Variants in LGI2 observed in about 807,000 individuals in gnomAD.
LGI2 encodes the protein leucine rich repeat LGI family member 2.
Under a neutral mutation model 52.0 loss-of-function variants are expected in LGI2, and 30 were observed. The ratio of observed to expected loss-of-function variants is 0.58; its 90% CI spans 0.43 to 0.78. The LOEUF (loss-of-function observed/expected upper bound fraction) is 0.78. LGI2 is among the 30% of genes least tolerant of loss of function. LGI2 has a pLI of 0.00. For missense variants in LGI2, 573 were observed against 692.5 expected (o/e 0.83, Z 1.94); for synonymous variants, 270 against 271.8 (o/e 0.99, Z 0.06).
rs781009990 is a variant in LGI2 at position 25,018,070 on chromosome 4, C to T, written c.574G>A (p.Val192Met). 2 of 1,613,730 alleles carry T rather than the reference C, an allele frequency of 1.2e-6. No homozygotes were observed. The highest frequency in any genetic ancestry group is 2.2e-5 in the East Asian group (1 of 44,880). Residue 192 changes from valine to methionine, a missense_variant, in exon 6 of 8, where the codon GTG (valine) becomes ATG (methionine). Coordinates refer to ENST00000382114, the MANE Select transcript of LGI2 (RefSeq NM_018176.4). ...TACTCTGGTGGACCAATACACAGCA[C>T]ATCAGAAACGGTGGAATTTGTCATC... Reference protein sequence around the residue: ...LKMTNSTVSDVLCIGPPEYQE... With the variant: ...LKMTNSTVSDMLCIGPPEYQE...
rs1284619425 is a variant in LGI2 at position 25,030,826 on chromosome 4, G to C, written c.-133C>G. The C allele has an allele frequency of 1.5e-5, 5 of 338,812 alleles. No homozygotes were observed. The Admixed American group carries it at 3.1e-4, about 21-fold the overall frequency. The allele number at this position is 338,812 out of a possible 1,614,324, so 21.0% of individuals were successfully genotyped here. On this transcript the variant is annotated 5_prime_UTR_variant, in exon 1 of 8. Coordinates refer to ENST00000382114, the MANE Select transcript of LGI2 (RefSeq NM_018176.4). ...CTGCTGGCGAGGACTAGGGAGCCGC[G>C]GGTGTGGGAGGCCGAGCCGCAGCCG...
chr4:25,021,489 G>A (rs540413069), intron 4 of LGI2, among the ~76,000 whole-genome samples: 31 of 152,178 alleles, frequency 2.0e-4, no homozygotes, highest in Admixed American at 3.3e-4. Context: ...AGGAACTTCC[G>A]TAAGCACGGG....
chr4:25,029,531 G>T (rs1208182495), intron 1 of LGI2, among the ~76,000 whole-genome samples: 6 of 152,208 alleles, frequency 3.9e-5, no homozygotes, highest in Admixed American at 3.9e-4. Flanking sequence ...AGGCATCTTG[G>T]CCTGGAACAA....
chr4:25,003,299 ATG>A lies in LGI2; in HGVS notation c.*150_*151del. The A allele has an allele frequency of 1.7e-6, 1 of 582,036 alleles. No homozygotes were observed. The highest frequency in any genetic ancestry group is 3.0e-5 in the East Asian group (1 of 33,430). 36.1% of individuals were successfully genotyped at this position (582,036 alleles called of 1,614,324 possible). On this transcript the variant is annotated 3_prime_UTR_variant, in exon 8 of 8. Transcript: ENST00000382114. ...CCAATAAATGCAATCCCTGATTAAA[ATG>A]TGAGTTCTAAAAGTTTGAAAACATC...
In LGI2 at chr4:25,018,791, C is replaced by T. The variant is rs183547269; in HGVS notation, c.485+376G>A. 2.2e-3 allele frequency among the ~76,000 whole-genome samples: 330 copies of T among 151,436 alleles called. 1 individual carries two copies. Among genetic ancestry groups the T allele is most frequent in the African/African-American group, 7.0e-3 (290 of 41,224 alleles). On this transcript the variant is annotated intron_variant, in intron 5 of 7. Coordinates refer to ENST00000382114, the MANE Select transcript of LGI2 (RefSeq NM_018176.4). The stretch of plus-strand genomic sequence containing the variant: ...GCAGGAGAATCACTTGAACCCAGGA[C>T]GCAGAGGTTGTAATGAGTGGAGATC...
At chr4:25,014,754 C>G (rs1015291347) in intron 6 of LGI2, among the ~76,000 whole-genome samples, 11 of 147,714 alleles carry the variant, frequency 7.4e-5, no homozygotes, top group Non-Finnish European at 4.5e-5. Context: ...TCGATTGAGC[C>G]CAGGAGTCTG....
Position 25,004,671 on chromosome 4 carries a change from A to G in LGI2, c.821-403T>C, listed in dbSNP as rs2232021. ...CCAACTCCCTCTGCCCTTTCACCAC[A>G]TAGACACAGCAAAGAGGTGGCCAGC... is the stretch of plus-strand genomic sequence containing the variant. On this transcript the variant is annotated intron_variant, in intron 7 of 7. Transcript: ENST00000382114. The surrounding 1 kb of genome is among the most constrained non-coding windows in gnomAD (Gnocchi z 4.6). Among the ~76,000 whole-genome samples, 5,049 of 152,286 alleles carry G rather than the reference A, an allele frequency of 0.033. 279 individuals are homozygous for G. Among genetic ancestry groups the G allele is most frequent in the African/African-American group, 0.11 (4,768 of 41,536 alleles).
Position 25,001,659 on chromosome 4 carries a change from C to T in LGI2, c.*1792G>A, listed in dbSNP as rs1725241794. On this transcript the variant is annotated 3_prime_UTR_variant, in exon 8 of 8. Transcript: ENST00000382114. ...ATTTTGCAGAAGTTTCAAGTAACAACACTACTATGCGTGGGTGAGTTCGTT... is the reference window on the plus strand; with the variant it reads ...ATTTTGCAGAAGTTTCAAGTAACAATACTACTATGCGTGGGTGAGTTCGTT... 1 of 152,166 alleles carries T rather than the reference C, an allele frequency of 6.6e-6. No homozygotes were observed. The highest frequency in any genetic ancestry group is 6.5e-5 in the Admixed American group (1 of 15,280). The allele number at this position is 152,166 out of a possible 1,614,324, so 9.4% of individuals were successfully genotyped here.
At chr4:25,021,930 C>CA (rs35526176) in intron 4 of LGI2, among the ~76,000 whole-genome samples, 27,070 of 76,048 alleles carry the variant, frequency 0.36, 4,084 homozygotes, top group African/African-American at 0.43. Flanking sequence ...GATTCCATCT[C>CA]AAAAAAAAAA....
At position 25,004,910 on chromosome 4, in the gene LGI2, T is replaced by C. The variant is rs1333542173; in HGVS notation, c.821-642A>G. Among the ~76,000 whole-genome samples, 1 of 152,034 alleles carries C rather than the reference T, an allele frequency of 6.6e-6. No homozygotes were observed. Among genetic ancestry groups the C allele is most frequent in the Non-Finnish European group, 1.5e-5 (1 of 68,002 alleles). The stretch of plus-strand genomic sequence containing the variant: ...AACCCAAGTTGCTTCAATGGACAAA[T>C]AGATAGACAAAATGTGGCATATACA... On this transcript the variant is annotated intron_variant, in intron 7 of 7. Coordinates refer to ENST00000382114, the MANE Select transcript of LGI2 (RefSeq NM_018176.4). The surrounding 1 kb of genome is among the most constrained non-coding windows in gnomAD (Gnocchi z 4.6).
Position 25,026,852 on chromosome 4 carries a change from A to G in LGI2, c.341+16T>C. ...GATACCGAATGTTCAGCAAATAGAC[A>G]AAGCACAAAACTTACAGGTATTCAA... On this transcript the variant is annotated intron_variant, in intron 3 of 7. Coordinates refer to ENST00000382114, the MANE Select transcript of LGI2 (RefSeq NM_018176.4). 1 of 1,596,672 alleles carries G rather than the reference A, an allele frequency of 6.3e-7. No homozygotes were observed. Among genetic ancestry groups the G allele is most frequent in the Non-Finnish European group, 8.6e-7 (1 of 1,164,020 alleles).
At chr4:25,014,847 AAAAAAAAGAGAGAG>A (rs1725708999) in intron 6 of LGI2, among the ~76,000 whole-genome samples, 2 of 144,254 alleles carry the variant, frequency 1.4e-5, no homozygotes, top group African/African-American at 5.3e-5. Flanking sequence ...AAAAAAAAAA[AAAAAAAAGAGAGAG>A]AGAGAGAGAG....
chr4:24,997,708 G>A (rs900904318), downstream of LGI2, among the ~76,000 whole-genome samples: 6 of 152,218 alleles, frequency 3.9e-5, no homozygotes, highest in African/African-American at 1.4e-4. Flanking sequence ...AGACCTTAAG[G>A]TGACTTCTTG....
intron 6 of LGI2, among the ~76,000 whole-genome samples, chr4:25,017,184 T>C (rs1054914515): frequency 7.2e-5 from 11 of 152,158 alleles, no homozygotes; most frequent in African/African-American, 2.7e-4. Flanking sequence ...TATTTTGCCA[T>C]TGGTTATAAT....
intron 1 of LGI2, among the ~76,000 whole-genome samples, chr4:25,029,442 C>T (rs753907118): frequency 1.3e-5 from 2 of 152,214 alleles, no homozygotes; most frequent in Non-Finnish European, 2.9e-5. Flanking sequence ...GGCTGGGAAG[C>T]ACTGGACACA....
intron 6 of LGI2, among the ~76,000 whole-genome samples, chr4:25,013,994 C>T (rs1229790583): frequency 2.0e-5 from 3 of 152,222 alleles, no homozygotes; most frequent in Non-Finnish European, 4.4e-5. Flanking sequence ...GAAATGGCAG[C>T]AGTCATCATG....
intron 6 of LGI2, among the ~76,000 whole-genome samples, chr4:25,014,270 C>T (rs144038204): frequency 2.0e-5 from 3 of 152,270 alleles, no homozygotes; most frequent in African/African-American, 7.2e-5. Flanking sequence ...TAGAAAGTTT[C>T]TGTTTTTATT....
downstream of LGI2, among the ~76,000 whole-genome samples, chr4:24,993,911 G>A (rs186309181): frequency 6.6e-6 from 1 of 152,294 alleles, no homozygotes; most frequent in Non-Finnish European, 1.5e-5. Flanking sequence ...GAAATGGGGG[G>A]TTGGAGTGTC....
Position 25,003,395 on chromosome 4 carries a change from G to T in LGI2, c.*56C>A. The T allele has an allele frequency of 2.5e-6, 3 of 1,215,310 alleles. No individual in the cohort carries two copies. The highest frequency in any genetic ancestry group is 1.6e-5 in the South Asian group (1 of 64,458). 75.3% of individuals were successfully genotyped at this position (1,215,310 alleles called of 1,614,324 possible). A position where few individuals can be genotyped will look rare whatever the true frequency, so the allele number is the denominator to read the frequency against. On this transcript the variant is annotated 3_prime_UTR_variant, in exon 8 of 8. Transcript: ENST00000382114. ...TTTGATTTGTTTGTTGATTTTTCTTGGTCCTCTTTTGTGAGAGCTAATGCT... is the reference window on the plus strand; with the variant it reads ...TTTGATTTGTTTGTTGATTTTTCTTTGTCCTCTTTTGTGAGAGCTAATGCT...
Sources: gnomAD v4.1 joint callset for allele counts (sites outside exome capture counted in the v4.1 genomes callset) on GRCh38, gnomAD v4.1.1 for gene constraint, Gnocchi (gnomAD v3.1) non-coding constraint, MANE v1.5 for transcripts, NCBI Gene and HGNC (gene_info 2026-07-23, HGNC 2026-07-21) for gene names.